Variants in SGCZ observed in about 807,000 individuals in gnomAD.
SGCZ encodes the protein zeta-sarcoglycan.
In SGCZ, 40 loss-of-function variants were observed where a neutral mutation model predicts 41.3. That is an observed-to-expected ratio of 0.97 (90% CI 0.75 to 1.26). The LOEUF is 1.26. Ranked by LOEUF, SGCZ falls within the 50% of genes most tolerant of loss-of-function variation. SGCZ has a pLI of 0.00. For missense variants in SGCZ, 552 were observed against 369.8 expected (o/e 1.49, Z -4.04); for synonymous variants, 206 against 137.5 (o/e 1.50, Z -3.49).
intron 1 of SGCZ, among the ~76,000 whole-genome samples, chr8:14,978,187 G>A (rs938653704): frequency 6.6e-6 from 1 of 151,758 alleles, no homozygotes; most frequent in African/African-American, 2.4e-5. Flanking sequence ...GTGCCTGCTG[G>A]CCGGGTGTGG....
At chr8:14,929,327 ACT>A (rs1799860355) in intron 1 of SGCZ, among the ~76,000 whole-genome samples, 1 of 151,968 alleles carries the variant, frequency 6.6e-6, no homozygotes, top group Non-Finnish European at 1.5e-5. Flanking sequence ...TAGTGTAGAC[ACT>A]CTGTGCTGCT....
chr8:14,496,412 C>T (rs1464912195), intron 2 of SGCZ, among the ~76,000 whole-genome samples: 2 of 152,080 alleles, frequency 1.3e-5, no homozygotes, highest in African/African-American at 2.4e-5. Context: ...AAAAGGAGTA[C>T]AAAATGAATA....
In SGCZ at chr8:15,237,767, G is replaced by A; in HGVS notation, c.-144C>T. 2.9e-6 allele frequency: 2 copies of A among 678,274 alleles called. No individual in the cohort carries two copies. The highest frequency in any genetic ancestry group is 1.9e-5 in the South Asian group (1 of 53,244). The allele number at this position is 678,274 out of a possible 1,614,324, so 42.0% of individuals were successfully genotyped here. A position where few individuals can be genotyped will look rare whatever the true frequency, so the allele number is the denominator to read the frequency against. ...CAGTCTCATTCTCCGTGGTCACGCC[G>A]CCTCCACCGGGTTAAAAATAAGGAA... On this transcript the variant is annotated 5_prime_UTR_variant, in exon 1 of 8. Transcript: ENST00000382080.
At chr8:14,259,421 T>C (rs2117228981) in intron 3 of SGCZ, among the ~76,000 whole-genome samples, 1 of 151,376 alleles carries the variant, frequency 6.6e-6, no homozygotes, top group Non-Finnish European at 1.5e-5. Context: ...CTAGGTTTTC[T>C]TCTAGGGTTT....
chr8:15,219,485 T>A (rs1366153483), intron 1 of SGCZ, among the ~76,000 whole-genome samples: 2 of 152,218 alleles, frequency 1.3e-5, no homozygotes, highest in Non-Finnish European at 2.9e-5. Context: ...CTCAATAGAA[T>A]GGTCATCTGA....
At chr8:14,940,974 C>CA (rs150721086) in intron 1 of SGCZ, among the ~76,000 whole-genome samples, 2,988 of 150,922 alleles carry the variant, frequency 0.02, 88 homozygotes, top group African/African-American at 0.067. Context: ...CTGTTGTATG[C>CA]AAAAAAAAGC....
chr8:14,685,673 T>A (rs1808588850), intron 1 of SGCZ, among the ~76,000 whole-genome samples: 1 of 152,110 alleles, frequency 6.6e-6, no homozygotes, highest in Admixed American at 6.6e-5. Context: ...CATTTCCATA[T>A]CTACATTAAC....
At chr8:14,940,456 T>C (rs1800233950) in intron 1 of SGCZ, among the ~76,000 whole-genome samples, 2 of 152,102 alleles carry the variant, frequency 1.3e-5, no homozygotes, top group African/African-American at 4.8e-5. Context: ...CAGCAAAAAA[T>C]ATACAACAAT....
chr8:14,630,521 G>C (rs12676012), intron 1 of SGCZ, among the ~76,000 whole-genome samples: 1 of 151,554 alleles, frequency 6.6e-6, no homozygotes, highest in Non-Finnish European at 1.5e-5. Flanking sequence ...CCCATTACTG[G>C]GTATACACCC....
At chr8:14,677,540 G>T (rs867287353) in intron 1 of SGCZ, among the ~76,000 whole-genome samples, 1 of 152,152 alleles carries the variant, frequency 6.6e-6, no homozygotes, top group Non-Finnish European at 1.5e-5. Flanking sequence ...AGAGGCTGAG[G>T]TGAGCAGATC....
chr8:14,838,784 G>A (rs1448368899), intron 1 of SGCZ, among the ~76,000 whole-genome samples: 1 of 152,104 alleles, frequency 6.6e-6, no homozygotes, highest in East Asian at 1.9e-4. Flanking sequence ...ATCTTTTCGT[G>A]GAGCTGCATC....
rs150077506 is a variant in SGCZ, at chr8:15,051,787, C to T, written c.39+185798G>A. Among the ~76,000 whole-genome samples, 34 of 152,218 alleles carry T rather than the reference C, an allele frequency of 2.2e-4. 1 individual carries two copies. The South Asian group carries it at 6.2e-3, about 28-fold the overall frequency. On this transcript the variant is annotated intron_variant, in intron 1 of 7. Coordinates refer to ENST00000382080, the MANE Select transcript of SGCZ (RefSeq NM_139167.4). Reference sequence around the variant, plus strand: ...AAGCTCCCTAGGTAATTATACTATGCATGTGGGTTTGAAACCAGTGTTTTA... The same window carrying T: ...AAGCTCCCTAGGTAATTATACTATGTATGTGGGTTTGAAACCAGTGTTTTA...
At chr8:14,751,981 G>A (rs1231674965) in intron 1 of SGCZ, among the ~76,000 whole-genome samples, 1 of 151,530 alleles carries the variant, frequency 6.6e-6, no homozygotes, top group Admixed American at 6.6e-5. Flanking sequence ...AGGATTTGAG[G>A]ACAGACACAA....
In SGCZ at chr8:14,915,677, C is replaced by T. The variant is rs111995377; in HGVS notation, c.39+321908G>A. Reference sequence around the variant, plus strand: ...ATGTAAACATCATCACTGATCAAACCAATCTGTGTTCCCTTCGTAGTAAAT... The same window carrying T: ...ATGTAAACATCATCACTGATCAAACTAATCTGTGTTCCCTTCGTAGTAAAT... On this transcript the variant is annotated intron_variant, in intron 1 of 7. Coordinates refer to ENST00000382080, the MANE Select transcript of SGCZ (RefSeq NM_139167.4). Among the ~76,000 whole-genome samples the T allele has an allele frequency of 2.7e-3, 412 of 152,252 alleles. 1 individual carries two copies. The highest frequency in any genetic ancestry group is 8.8e-3 in the African/African-American group (366 of 41,556).
intron 1 of SGCZ, among the ~76,000 whole-genome samples, chr8:14,944,094 T>C (rs1280342955): frequency 6.6e-6 from 1 of 152,162 alleles, no homozygotes; most frequent in Non-Finnish European, 1.5e-5. Context: ...GTTAAACTAA[T>C]AATTCAACGT....
chr8:14,449,626 T>C (rs1253378873), intron 2 of SGCZ, among the ~76,000 whole-genome samples: 1 of 152,152 alleles, frequency 6.6e-6, no homozygotes, highest in Non-Finnish European at 1.5e-5. Flanking sequence ...TGAAGCATCC[T>C]CATAGGAAGC....
chr8:14,822,615 T>G (rs980350671), intron 1 of SGCZ, among the ~76,000 whole-genome samples: 3 of 152,046 alleles, frequency 2.0e-5, no homozygotes, highest in African/African-American at 7.2e-5. Context: ...AGCATGGTGG[T>G]GGTATAAAAA....
chr8:14,685,993 G>C (rs1035450071), intron 1 of SGCZ, among the ~76,000 whole-genome samples: 2 of 151,970 alleles, frequency 1.3e-5, no homozygotes, highest in Non-Finnish European at 2.9e-5. Context: ...TGGTCTAAAA[G>C]GAAAATTAAG....
rs555877959 is a variant in SGCZ at position 15,208,740 on chromosome 8, G to C, written c.39+28845C>G. 3.3e-5 allele frequency among the ~76,000 whole-genome samples: 5 copies of C among 152,208 alleles called. No homozygotes were observed. The South Asian group carries it at 1.0e-3, about 32-fold the overall frequency. On this transcript the variant is annotated intron_variant, in intron 1 of 7. Coordinates refer to ENST00000382080, the MANE Select transcript of SGCZ (RefSeq NM_139167.4). ...TGCTATTACATGAAACCTTGAGCAA[G>C]TTACTTGACTTCTAATGCCTCAGTT...
Sources: allele counts gnomAD v4.1 joint callset (sites outside exome capture counted in the v4.1 genomes callset), GRCh38; gene constraint gnomAD v4.1.1; transcripts MANE v1.5; gene names NCBI Gene and HGNC (gene_info 2026-07-23, HGNC 2026-07-21).